The following SPOCK3 variants were observed in gnomAD, a reference collection of about 807,000 sequenced individuals.
The protein encoded by SPOCK3 is SPARC (osteonectin), cwcv and kazal like domains proteoglycan 3, also known as testican-3.
SPOCK3 carries 30 observed loss-of-function variants against 56.6 expected under a neutral mutation model. The observed-to-expected ratio is 0.53, with a 90% CI of 0.40 to 0.72. The LOEUF is 0.72. Ranked by LOEUF, SPOCK3 falls within the 30% of genes least tolerant of loss-of-function variation. The pLI is 0.00. For synonymous variants in SPOCK3, 196 were observed against 183.3 expected, an observed-to-expected ratio of 1.07 and a Z score of -0.56; for missense variants, 527 against 530.0, an observed-to-expected ratio of 0.99 and a Z score of 0.06.
chr4:166,837,235 T>A (rs1259952536), intron 6 of SPOCK3, among the ~76,000 whole-genome samples: 1 of 152,216 alleles, frequency 6.6e-6, no homozygotes, highest in African/African-American at 2.4e-5. Flanking sequence ...CTGAGTAGTG[T>A]GAAGTTAGAC....
chr4:167,221,189 A>C (rs981066880), intron 2 of SPOCK3, among the ~76,000 whole-genome samples: 9 of 149,510 alleles, frequency 6.0e-5, no homozygotes, highest in African/African-American at 1.7e-4. Flanking sequence ...GTGAAACCCC[A>C]GTCTCTACAA....
chr4:167,122,572 G>A (rs975480737), intron 2 of SPOCK3, among the ~76,000 whole-genome samples: 3 of 152,130 alleles, frequency 2.0e-5, no homozygotes, highest in Non-Finnish European at 4.4e-5. Context: ...AATGTAATGT[G>A]AAAACATTGT....
intron 2 of SPOCK3, among the ~76,000 whole-genome samples, chr4:167,153,349 GC>G (rs1764567165): frequency 6.6e-6 from 1 of 152,188 alleles, no homozygotes; most frequent in South Asian, 2.1e-4. Flanking sequence ...AAGCAGAGCA[GC>G]TTTTGGCATC....
chr4:166,863,581 T>A (rs1162355797), intron 6 of SPOCK3, among the ~76,000 whole-genome samples: 1 of 151,076 alleles, frequency 6.6e-6, no homozygotes, highest in Non-Finnish European at 1.5e-5. Flanking sequence ...AAAAATAAAG[T>A]GATGGAGGAA....
At chr4:167,156,841 GA>G (rs1451813029) in intron 2 of SPOCK3, among the ~76,000 whole-genome samples, 8 of 152,070 alleles carry the variant, frequency 5.3e-5, no homozygotes, top group African/African-American at 1.7e-4. Context: ...TTCAAGAATG[GA>G]AATTACAGGG....
chr4:166,975,447 T>C (rs964065840), intron 4 of SPOCK3, among the ~76,000 whole-genome samples: 10 of 152,188 alleles, frequency 6.6e-5, no homozygotes, highest in Non-Finnish European at 1.0e-4. Context: ...TGTGCACTAA[T>C]CACATCAGGG....
At chr4:166,905,241 T>C (rs141035573) in intron 5 of SPOCK3, among the ~76,000 whole-genome samples, 128 of 152,148 alleles carry the variant, frequency 8.4e-4, no homozygotes, top group African/African-American at 3.0e-3. Context: ...ATCATTACAC[T>C]TCTCTTAAAG....
intron 4 of SPOCK3, among the ~76,000 whole-genome samples, chr4:166,962,304 G>T (rs1482102794): frequency 1.3e-5 from 2 of 152,114 alleles, no homozygotes; most frequent in African/African-American, 4.8e-5. Context: ...ATATTTAGAT[G>T]TCCTCTCAGT....
At chr4:166,870,521 AAAG>A (rs979138272) in intron 6 of SPOCK3, among the ~76,000 whole-genome samples, 8 of 152,140 alleles carry the variant, frequency 5.3e-5, no homozygotes, top group African/African-American at 1.7e-4. Flanking sequence ...TTAGAACACA[AAAG>A]AATAAAACTA....
intron 4 of SPOCK3, among the ~76,000 whole-genome samples, chr4:166,938,288 G>A (rs191876416): frequency 6.6e-6 from 1 of 152,228 alleles, no homozygotes; most frequent in African/African-American, 2.4e-5. Context: ...AAAACCGCTT[G>A]GGAAGAGAAA....
At chr4:167,029,404 T>C (rs919704008) in intron 3 of SPOCK3, among the ~76,000 whole-genome samples, 17 of 152,104 alleles carry the variant, frequency 1.1e-4, no homozygotes, top group African/African-American at 3.9e-4. Flanking sequence ...TTTTGCATTT[T>C]ACTCTATTCC....
intron 3 of SPOCK3, among the ~76,000 whole-genome samples, chr4:167,004,617 T>C (rs1197240127): frequency 6.6e-6 from 1 of 152,070 alleles, no homozygotes; most frequent in African/African-American, 2.4e-5. Flanking sequence ...ACCAGCTGTA[T>C]GAGAGAGAAA....
At chr4:166,922,953 T>G (rs1386200346) in intron 4 of SPOCK3, among the ~76,000 whole-genome samples, 1 of 152,212 alleles carries the variant, frequency 6.6e-6, no homozygotes, top group Non-Finnish European at 1.5e-5. Flanking sequence ...TAGTTTCCCA[T>G]GTCTGCTGTA....
intron 3 of SPOCK3, among the ~76,000 whole-genome samples, chr4:167,059,862 T>C (rs1168233273): frequency 6.6e-6 from 1 of 152,052 alleles, no homozygotes; most frequent in South Asian, 2.1e-4. Context: ...GCGACATGGA[T>C]GAAATTGGAA....
chr4:166,958,530 T>A (rs1053499861), intron 4 of SPOCK3, among the ~76,000 whole-genome samples: 1 of 152,178 alleles, frequency 6.6e-6, no homozygotes, highest in African/African-American at 2.4e-5. Context: ...TCAAATCTTG[T>A]CCTTGACCCC....
chr4:167,163,112 C>G (rs1390083283), intron 2 of SPOCK3, among the ~76,000 whole-genome samples: 1 of 147,994 alleles, frequency 6.8e-6, no homozygotes, highest in Admixed American at 6.7e-5. Context: ...TATTTACATA[C>G]AATTTTGTAC....
intron 2 of SPOCK3, among the ~76,000 whole-genome samples, chr4:167,180,645 C>A (rs11737501): frequency 0.13 from 19,889 of 152,052 alleles, 1,613 homozygotes; most frequent in African/African-American, 0.2. Context: ...GAATCAATAA[C>A]CTGGTTGGTG....
At chr4:166,884,656 G>C (rs1164259001) in intron 6 of SPOCK3, among the ~76,000 whole-genome samples, 1 of 151,828 alleles carries the variant, frequency 6.6e-6, no homozygotes, top group Non-Finnish European at 1.5e-5. Context: ...ATGCAAAGTT[G>C]GTTAAATTTG....
Position 166,734,858 on chromosome 4 carries a change from A to T in SPOCK3, c.*63T>A. The T allele has an allele frequency of 7.9e-7, 1 of 1,258,282 alleles. No homozygotes were observed. Among genetic ancestry groups the T allele is most frequent in the Non-Finnish European group, 1.1e-6 (1 of 923,932 alleles). The allele number at this position is 1,258,282 out of a possible 1,614,324, so 77.9% of individuals were successfully genotyped here. ...TGTTATTGGGGAAGAAGATAATTTT[A>T]AATAGGCTATCATTTTTGTAAATAT... On this transcript the variant is annotated 3_prime_UTR_variant, in exon 11 of 11. Transcript: ENST00000357545.
Sources: allele counts gnomAD v4.1 joint callset (sites outside exome capture counted in the v4.1 genomes callset), GRCh38; gene constraint gnomAD v4.1.1; transcripts MANE v1.5; gene names NCBI Gene and HGNC (gene_info 2026-07-23, HGNC 2026-07-21).